TBL1X: variants seen among roughly 807,000 people sequenced by gnomAD.
TBL1X encodes transducin beta like 1 X-linked.
In TBL1X, 10 loss-of-function variants were observed where a neutral mutation model predicts 50.7. The observed-to-expected ratio is 0.20, with a 90% CI of 0.12 to 0.33. TBL1X has a LOEUF of 0.33. TBL1X is among the 10% of genes least tolerant of loss of function. The pLI is 1.00. For missense variants in TBL1X, 340 were observed against 504.4 expected, an observed-to-expected ratio of 0.67 and a Z score of 3.12; for synonymous variants, 190 against 214.7, an observed-to-expected ratio of 0.88 and a Z score of 1.01.
chrX:9,550,222 G>T (rs1391833241), intron 2 of TBL1X, among the ~76,000 whole-genome samples: 1 of 111,697 alleles, frequency 9.0e-6, no homozygotes, highest in Non-Finnish European at 1.9e-5. Flanking sequence ...GGGGTGGGGA[G>T]AAAGAGGAAG....
chrX:9,495,876 CA>C (rs2081968625), intron 1 of TBL1X, among the ~76,000 whole-genome samples: 1 of 89,644 alleles, frequency 1.1e-5, no homozygotes, highest in Non-Finnish European at 2.4e-5. Context: ...GAGCCTTGTT[CA>C]CCCTCAGCTG....
intron 2 of TBL1X, among the ~76,000 whole-genome samples, chrX:9,612,268 T>C (rs1393246284): frequency 3.6e-5 from 4 of 111,707 alleles, no homozygotes; most frequent in Admixed American, 1.9e-4. Context: ...GGAAGAATCA[T>C]GTGGCCTAAA....
rs755204730 is a variant in TBL1X at position 9,661,702 on chromosome X, C to T, written c.211+7380C>T. ...CAGAGATAAAAGGCTGTGCTGAGCG[C>T]CCACCAACACGCAGCGAGGTTATAC... On this transcript the variant is annotated intron_variant, in intron 5 of 17. Transcript: ENST00000645353. Among the ~76,000 whole-genome samples, 3 of 111,096 alleles carry T rather than the reference C, an allele frequency of 2.7e-5. No individual in the cohort carries two copies. In the South Asian group the frequency reaches 1.2e-3, roughly 44 times the overall value.
Position 9,523,451 on chromosome X carries a change from C to G in TBL1X, c.-131+21602C>G, listed in dbSNP as rs989359930. 3.6e-5 allele frequency among the ~76,000 whole-genome samples: 4 copies of G among 111,940 alleles called. No homozygotes were observed. In the East Asian group the frequency reaches 1.1e-3, roughly 32 times the overall value. On this transcript the variant is annotated intron_variant, in intron 2 of 17. Transcript: ENST00000645353. ...GTCACCCACACTGGGCCAGGTCACC[C>G]ACACTGGACCATATGAGGCCACGCC...
chrX:9,665,139 C>T (rs748059811), intron 5 of TBL1X, among the ~76,000 whole-genome samples: 3 of 109,533 alleles, frequency 2.7e-5, no homozygotes, highest in Admixed American at 2.0e-4. Context: ...CTCAAATAGA[C>T]GTTCACGGCA....
At chrX:9,495,160 C>G (rs1046996562) in intron 1 of TBL1X, among the ~76,000 whole-genome samples, 4 of 111,194 alleles carry the variant, frequency 3.6e-5, no homozygotes, top group African/African-American at 1.3e-4. Flanking sequence ...CACAGCTGCC[C>G]TCGACGTTCA....
chrX:9,591,909 A>G (rs777418204), intron 2 of TBL1X, among the ~76,000 whole-genome samples: 2 of 112,385 alleles, frequency 1.8e-5, no homozygotes, highest in Non-Finnish European at 3.8e-5. Flanking sequence ...TGGGCTCGAT[A>G]TCAGCCTGCT....
At chrX:9,693,051 T>A (rs1472207404) in intron 9 of TBL1X, 98 bp from the exon 10 acceptor site, 2 of 867,039 alleles carry the variant, frequency 2.3e-6, no homozygotes, top group East Asian at 6.2e-5. Context: ...GGCAAATGGT[T>A]CCAGTGTACC....
intron 9 of TBL1X, 51 bp downstream of exon 9, chrX:9,692,305 C>CCACCAGGCAGGGGCTGCAGG: frequency 1.7e-6 from 2 of 1,144,497 alleles, no homozygotes; most frequent in Non-Finnish European, 2.3e-6. Flanking sequence ...AATCGGCCAG[C>CCACCAGGCAGGGGCTGCAGG]CACCAGGCAG....
chrX:9,644,730 G>T (rs113702955), intron 3 of TBL1X: 8 of 109,910 alleles, frequency 7.3e-5, no homozygotes, highest in African/African-American at 2.7e-4. Context: ...ATCTTGGGTC[G>T]CTGCAACCTC....
chrX:9,603,031 C>T (rs1327537550), intron 2 of TBL1X, among the ~76,000 whole-genome samples: 3 of 112,489 alleles, frequency 2.7e-5, no homozygotes, highest in Non-Finnish European at 5.6e-5. Context: ...ACTTTTCAGA[C>T]ATCCTGGAAG....
rs150321113 is a variant in TBL1X, at chrX:9,657,577, T to G, written c.211+3255T>G. 4.9e-3 allele frequency among the ~76,000 whole-genome samples: 550 copies of G among 112,503 alleles called. 4 individuals carry two copies. Among genetic ancestry groups the G allele is most frequent in the African/African-American group, 0.017 (513 of 31,006 alleles). ...CTCGGAAAAGAACCTCAAAAACAGA[T>G]GTGTTTTGTTCTCTGCCCACAACAG... On this transcript the variant is annotated intron_variant, in intron 5 of 17. Coordinates refer to ENST00000645353, the MANE Select transcript of TBL1X (RefSeq NM_005647.4).
chrX:9,667,004 C>T lies in TBL1X; in HGVS notation c.211+12682C>T, dbSNP rs192099077. Among the ~76,000 whole-genome samples the T allele has an allele frequency of 1.8e-4, 20 of 111,956 alleles. No homozygotes were observed. In the East Asian group the frequency reaches 4.8e-3, roughly 27 times the overall value. ...TAAGGATCGTCTTAACCTAAAAGAGCGATAAGACAAAACTGCAAGTTTAAA... is the reference window on the plus strand; with the variant it reads ...TAAGGATCGTCTTAACCTAAAAGAGTGATAAGACAAAACTGCAAGTTTAAA... On this transcript the variant is annotated intron_variant, in intron 5 of 17. Transcript: ENST00000645353.
chrX:9,650,526 C>T (rs907876862), intron 3 of TBL1X, among the ~76,000 whole-genome samples: 4 of 111,728 alleles, frequency 3.6e-5, no homozygotes. Flanking sequence ...TCCAGCTGCC[C>T]TCACTGGGAG....
intron 2 of TBL1X, among the ~76,000 whole-genome samples, chrX:9,524,070 C>T (rs1357418389): frequency 2.0e-5 from 2 of 100,357 alleles, no homozygotes; most frequent in Non-Finnish European, 4.0e-5. Flanking sequence ...CAGGTTCAAG[C>T]AATTCTCCTG....
At chrX:9,579,282 C>T (rs1225620103) in intron 2 of TBL1X, among the ~76,000 whole-genome samples, 1 of 111,978 alleles carries the variant, frequency 8.9e-6, no homozygotes, top group African/African-American at 3.3e-5. Flanking sequence ...ATTGGGAAAC[C>T]CTCTCAAAAG....
chrX:9,546,532 A>G (rs1376215373), intron 2 of TBL1X, among the ~76,000 whole-genome samples: 1 of 110,576 alleles, frequency 9.0e-6, no homozygotes, highest in Non-Finnish European at 1.9e-5. Context: ...CAAACAAACA[A>G]AAAAACCCCC....
At chrX:9,553,172 G>A (rs1257453189) in intron 2 of TBL1X, among the ~76,000 whole-genome samples, 1 of 110,621 alleles carries the variant, frequency 9.0e-6, no homozygotes, top group East Asian at 2.9e-4. Context: ...AAAGGATATC[G>A]AGATGAGGTT....
chrX:9,663,990 A>G (rs1485999230), intron 5 of TBL1X, among the ~76,000 whole-genome samples: 4 of 111,207 alleles, frequency 3.6e-5, no homozygotes, highest in Non-Finnish European at 7.5e-5. Flanking sequence ...ATCTACACGT[A>G]GGATCAAACT....
Sources: gnomAD v4.1 joint callset for allele counts (sites outside exome capture counted in the v4.1 genomes callset) on GRCh38, gnomAD v4.1.1 for gene constraint, MANE v1.5 for transcripts, NCBI Gene and HGNC (gene_info 2026-07-23, HGNC 2026-07-21) for gene names.